The following IRGM variants were observed in gnomAD, a reference collection of about 807,000 sequenced individuals.
The protein encoded by IRGM is immunity-related GTPase family M protein.
For missense variants in IRGM, 288 were observed against 219.9 expected (o/e 1.31, Z -1.96); for synonymous variants, 98 against 80.6 (o/e 1.22, Z -1.16).
Position 150,876,442 on chromosome 5 carries a change from A to G in IRGM, c.159-1538A>G, listed in dbSNP as rs546192532. ...CAACAGGGGAAACAATAACGATTCA[A>G]TTTAACTGGAAGTTAAGATTGCCAC... On this transcript the variant is annotated intron_variant and NMD_transcript_variant, in intron 1 of 3. Coordinates refer to the IRGM transcript ENST00000520549. 1.8e-4 allele frequency among the ~76,000 whole-genome samples: 28 copies of G among 152,342 alleles called. No individual in the cohort carries two copies. The South Asian group carries it at 4.8e-3, about 26-fold the overall frequency.
At chr5:150,895,238 GTTC>G (rs1387363158) in intron 3 of IRGM, 1 of 503,838 alleles carries the variant, frequency 2.0e-6, no homozygotes, top group African/African-American at 1.9e-5. Context: ...TATTAAAAAT[GTTC>G]TTCATTTATA....
In IRGM at chr5:150,895,928, G is replaced by A. The variant is rs1170916497; in HGVS notation, c.*141-4661G>A. 5 of 1,613,340 alleles carry A rather than the reference G, an allele frequency of 3.1e-6. 1 individual carries two copies. In the African/African-American group the frequency reaches 6.7e-5, roughly 22 times the overall value. On this transcript the variant is annotated intron_variant and NMD_transcript_variant, in intron 3 of 3. Coordinates refer to the IRGM transcript ENST00000520549. ...AGGCTTCCTCACATTGAGCACATTT[G>A]TAGGGTTTCTCACCAGTGTGAATTC... is the stretch of plus-strand genomic sequence containing the variant.
chr5:150,893,978 G>T (rs959598580), intron 3 of IRGM, among the ~76,000 whole-genome samples: 2 of 151,886 alleles, frequency 1.3e-5, no homozygotes, highest in Non-Finnish European at 2.9e-5. Context: ...CCAGTGAATG[G>T]CATCTTTAAT....
At chr5:150,863,673 C>T (rs1447673755) in intron 1 of IRGM, among the ~76,000 whole-genome samples, 1 of 151,956 alleles carries the variant, frequency 6.6e-6, no homozygotes, top group East Asian at 1.9e-4. Context: ...ATATTCCCAA[C>T]AGGGTATGGG....
chr5:150,882,661 G>T (rs1196941117), intron 3 of IRGM, among the ~76,000 whole-genome samples: 1 of 152,128 alleles, frequency 6.6e-6, no homozygotes, highest in Non-Finnish European at 1.5e-5. Flanking sequence ...AATTCATCAA[G>T]AAGATATAAC....
At chr5:150,854,540 A>G (rs1205421727) in intron 1 of IRGM, among the ~76,000 whole-genome samples, 1 of 152,064 alleles carries the variant, frequency 6.6e-6, no homozygotes, top group Non-Finnish European at 1.5e-5. Context: ...GGGTGCATTT[A>G]TTTTTGCCTA....
intron 1 of IRGM, 151 bp from the exon 2 acceptor site, chr5:150,847,558 G>C (rs17111379): frequency 0.055 from 8,394 of 153,366 alleles, 784 homozygotes; most frequent in African/African-American, 0.19. Flanking sequence ...GCTCCCTGAA[G>C]AAATGTGCAC....
At chr5:150,872,296 C>A (rs959791172) in intron 1 of IRGM, among the ~76,000 whole-genome samples, 11 of 152,184 alleles carry the variant, frequency 7.2e-5, no homozygotes, top group Non-Finnish European at 1.3e-4. Context: ...CCAGTGGGGG[C>A]AACATCCCTC....
rs550871589 is a variant in IRGM at position 150,896,336 on chromosome 5, T to G, written c.*141-4253T>G. 4.3e-6 allele frequency: 7 copies of G among 1,613,662 alleles called. No homozygotes were observed. The East Asian group carries it at 1.6e-4, about 36-fold the overall frequency. On this transcript the variant is annotated intron_variant and NMD_transcript_variant, in intron 3 of 3. Coordinates refer to the IRGM transcript ENST00000520549. The stretch of plus-strand genomic sequence containing the variant: ...ACTTCTCACTGAAGGCTTTTCCGCA[T>G]GCACCACAATCATATGGTTTCTTTC...
intron 3 of IRGM, chr5:150,898,171 G>A (rs753524848): frequency 6.2e-7 from 1 of 1,613,254 alleles, no homozygotes; most frequent in Non-Finnish European, 8.5e-7. Context: ...CATCTGGTTT[G>A]GAAACTGGAT....
At chr5:150,859,993 G>A (rs1448721431) in intron 1 of IRGM, among the ~76,000 whole-genome samples, 1 of 152,110 alleles carries the variant, frequency 6.6e-6, no homozygotes, top group Non-Finnish European at 1.5e-5. Flanking sequence ...CCTCTCACTG[G>A]GAGAAGCTTT....
At position 150,847,862 on chromosome 5, in the gene IRGM, G is replaced by A; in HGVS notation, c.-262G>A. The stretch of plus-strand genomic sequence containing the variant: ...TCTGTTGCCAGGCTGGAGTGCAATG[G>A]CGTGATCTCAGCTCACTGCAATATC... On this transcript the variant is annotated 5_prime_UTR_variant, in exon 2 of 2. Transcript: ENST00000522154. 1 of 421,944 alleles carries A rather than the reference G, an allele frequency of 2.4e-6. No individual in the cohort carries two copies. Among genetic ancestry groups the A allele is most frequent in the Non-Finnish European group, 4.3e-6 (1 of 232,360 alleles). The allele number at this position is 421,944 out of a possible 1,614,324, so 26.1% of individuals were successfully genotyped here.
chr5:150,886,580 C>T (rs1465479698), intron 3 of IRGM, among the ~76,000 whole-genome samples: 1 of 151,764 alleles, frequency 6.6e-6, no homozygotes, highest in East Asian at 1.9e-4. Context: ...TTTCAGAGCT[C>T]ATTATTGGTC....
At chr5:150,851,981 CATT>C (rs1753984428), downstream of IRGM, among the ~76,000 whole-genome samples, 1 of 152,132 alleles carries the variant, frequency 6.6e-6, no homozygotes, top group African/African-American at 2.4e-5. Flanking sequence ...CATACAGTAA[CATT>C]AATCTCCTAC....
chr5:150,883,107 T>C (rs1164536461), intron 3 of IRGM, among the ~76,000 whole-genome samples: 1 of 152,014 alleles, frequency 6.6e-6, no homozygotes, highest in Non-Finnish European at 1.5e-5. Flanking sequence ...AACAGCATGC[T>C]AACAACCAAT....
chr5:150,882,866 G>A (rs1276524556), intron 3 of IRGM, among the ~76,000 whole-genome samples: 1 of 152,094 alleles, frequency 6.6e-6, no homozygotes, highest in African/African-American at 2.4e-5. Flanking sequence ...TTAGACCAAA[G>A]GGACCTAACA....
At chr5:150,896,861 T>A in intron 3 of IRGM, 1 of 1,613,690 alleles carries the variant, frequency 6.2e-7, no homozygotes, top group South Asian at 1.1e-5. Context: ...CTTGACAGAC[T>A]TTTAAAATGG....
chr5:150,852,285 C>T (rs938995690), downstream of IRGM, among the ~76,000 whole-genome samples: 1 of 152,078 alleles, frequency 6.6e-6, no homozygotes, highest in East Asian at 1.9e-4. Flanking sequence ...TCATTATTAT[C>T]TTATATTCTT....
At chr5:150,881,745 G>A (rs73284126) in intron 3 of IRGM, among the ~76,000 whole-genome samples, 31,794 of 152,016 alleles carry the variant, frequency 0.21, 5,367 homozygotes, top group African/African-American at 0.45. Flanking sequence ...ATGTGGGAGA[G>A]GGGCAGTAAA....
Sources: gnomAD v4.1 joint callset for allele counts (sites outside exome capture counted in the v4.1 genomes callset) on GRCh38, gnomAD v4.1.1 for gene constraint, MANE v1.5 for transcripts, NCBI Gene and HGNC (gene_info 2026-07-23, HGNC 2026-07-21) for gene names.